FILIP1: variants seen among roughly 807,000 people sequenced by gnomAD.
FILIP1 encodes the protein filamin A interacting protein 1, also known as filamin-A-interacting protein 1.
In FILIP1, 61 loss-of-function variants were observed where a neutral mutation model predicts 102.1. That is an observed-to-expected ratio of 0.60 (90% CI 0.49 to 0.74). The LOEUF (loss-of-function observed/expected upper bound fraction) is 0.74. FILIP1 is among the 30% of genes least tolerant of loss of function. FILIP1 has a pLI of 0.00. For missense variants in FILIP1, 1,314 were observed against 1,441.2 expected, an observed-to-expected ratio of 0.91 and a Z score of 1.43; for synonymous variants, 491 against 526.9, an observed-to-expected ratio of 0.93 and a Z score of 0.93.
intron 2 of FILIP1, among the ~76,000 whole-genome samples, chr6:75,365,105 T>C (rs1213861690): frequency 3.3e-5 from 5 of 152,104 alleles, no homozygotes; most frequent in Non-Finnish European, 5.9e-5. Context: ...TTAAATCAGA[T>C]GAAGTAAAGG....
chr6:75,339,220 C>G (rs777555303), intron 4 of FILIP1, among the ~76,000 whole-genome samples: 5 of 152,204 alleles, frequency 3.3e-5, no homozygotes, highest in Non-Finnish European at 1.5e-5. Flanking sequence ...AAGTCCCATT[C>G]TAACTGGACT....
At chr6:75,336,183 C>T (rs1388352640) in intron 4 of FILIP1, among the ~76,000 whole-genome samples, 1 of 152,122 alleles carries the variant, frequency 6.6e-6, no homozygotes, top group Non-Finnish European at 1.5e-5. Context: ...GGCAAGGCTG[C>T]ACTAGTGCTG....
At chr6:75,331,730 G>A (rs748449784) in intron 4 of FILIP1, among the ~76,000 whole-genome samples, 18 of 152,078 alleles carry the variant, frequency 1.2e-4, no homozygotes, top group Non-Finnish European at 2.5e-4. Flanking sequence ...CTCTATTTCA[G>A]CTCCCATTCC....
At chr6:75,358,577 G>A (rs542868302) in intron 3 of FILIP1, 1 of 152,150 alleles carries the variant, frequency 6.6e-6, no homozygotes, top group East Asian at 1.9e-4. Flanking sequence ...TATTCAAAGT[G>A]GTTATATAAA....
intron 4 of FILIP1, among the ~76,000 whole-genome samples, chr6:75,322,617 T>C (rs368353119): frequency 3.9e-4 from 59 of 152,334 alleles, no homozygotes; most frequent in African/African-American, 1.4e-3. Flanking sequence ...AATGAATTAA[T>C]AGGTATTTTA....
intron 2 of FILIP1, among the ~76,000 whole-genome samples, chr6:75,389,235 T>A (rs1776203396): frequency 6.6e-6 from 1 of 152,226 alleles, no homozygotes; most frequent in African/African-American, 2.4e-5. Context: ...TTGATCGTGG[T>A]GGATAAAGCA....
intron 4 of FILIP1, among the ~76,000 whole-genome samples, chr6:75,337,379 C>T (rs1226573688): frequency 6.6e-6 from 1 of 152,054 alleles, no homozygotes; most frequent in Non-Finnish European, 1.5e-5. Flanking sequence ...ACAAGTCTTC[C>T]TTCAGTTGCT....
At chr6:75,472,720 TTAAC>T (rs1779367588) in intron 1 of FILIP1, among the ~76,000 whole-genome samples, 1 of 152,192 alleles carries the variant, frequency 6.6e-6, no homozygotes. Context: ...ACATTGGTCT[TTAAC>T]TATGACATGT....
chr6:75,301,966 T>A (rs1261519513), intron 6 of FILIP1, among the ~76,000 whole-genome samples: 2 of 152,162 alleles, frequency 1.3e-5, no homozygotes, highest in African/African-American at 4.8e-5. Context: ...ATTTTGAGGG[T>A]CCTTCATGAA....
At chr6:75,440,085 G>A (rs1778157941) in intron 1 of FILIP1, among the ~76,000 whole-genome samples, 1 of 152,104 alleles carries the variant, frequency 6.6e-6, no homozygotes, top group South Asian at 2.1e-4. Flanking sequence ...TGTAATAATT[G>A]CATTGAGCAG....
At chr6:75,426,411 G>T (rs1265692234) in intron 1 of FILIP1, among the ~76,000 whole-genome samples, 1 of 152,174 alleles carries the variant, frequency 6.6e-6, no homozygotes, top group Non-Finnish European at 1.5e-5. Context: ...CATTGGCCAT[G>T]CCATGGGATA....
chr6:75,441,974 G>A (rs1399209187), intron 1 of FILIP1, among the ~76,000 whole-genome samples: 3 of 151,370 alleles, frequency 2.0e-5, no homozygotes, highest in Admixed American at 6.6e-5. Context: ...GCTGCGGGGC[G>A]GAGACGCTCC....
intron 4 of FILIP1, among the ~76,000 whole-genome samples, chr6:75,350,400 GTTTTT>G (rs10602538): frequency 2.9e-5 from 4 of 136,440 alleles, no homozygotes; most frequent in East Asian, 4.3e-4. Context: ...TTTTTTTAAA[GTTTTT>G]TTTTTTTTTT....
At chr6:75,489,869 A>G (rs1322009132) in intron 1 of FILIP1, among the ~76,000 whole-genome samples, 1 of 151,996 alleles carries the variant, frequency 6.6e-6, no homozygotes, top group Non-Finnish European at 1.5e-5. Flanking sequence ...TTTAGATGTC[A>G]TTTTTCTAAT....
chr6:75,342,599 G>A (rs1259720858), intron 4 of FILIP1, among the ~76,000 whole-genome samples: 2 of 152,210 alleles, frequency 1.3e-5, no homozygotes, highest in African/African-American at 4.8e-5. Context: ...AGGGCTTCAA[G>A]CCCTCATTTC....
intron 2 of FILIP1, among the ~76,000 whole-genome samples, chr6:75,413,828 A>G (rs986516698): frequency 1.3e-5 from 2 of 151,162 alleles, no homozygotes; most frequent in Non-Finnish European, 2.9e-5. Flanking sequence ...CAGAAATATA[A>G]TTGTTCAGGG....
intron 2 of FILIP1, among the ~76,000 whole-genome samples, chr6:75,366,697 T>C (rs1462831732): frequency 3.3e-5 from 5 of 152,238 alleles, no homozygotes; most frequent in Non-Finnish European, 1.5e-5. Context: ...TAGGTCTCCA[T>C]GATTAAATAA....
chr6:75,318,820 A>C (rs529628302), intron 4 of FILIP1, among the ~76,000 whole-genome samples: 1 of 152,188 alleles, frequency 6.6e-6, no homozygotes, highest in East Asian at 1.9e-4. Flanking sequence ...GTCCCAGGCA[A>C]GGTTACTGGC....
At chr6:75,320,209 T>C (rs1013223905) in intron 4 of FILIP1, among the ~76,000 whole-genome samples, 1 of 152,170 alleles carries the variant, frequency 6.6e-6, no homozygotes, top group African/African-American at 2.4e-5. Context: ...TCAAGAAATA[T>C]TGACTGAATG....
Sources: allele counts gnomAD v4.1 joint callset (sites outside exome capture counted in the v4.1 genomes callset), GRCh38; gene constraint gnomAD v4.1.1; transcripts MANE v1.5; gene names NCBI Gene and HGNC (gene_info 2026-07-23, HGNC 2026-07-21).